Variants in MITF observed in about 807,000 individuals in gnomAD.
The protein encoded by MITF is microphthalmia-associated transcription factor.
Under a neutral mutation model 60.5 loss-of-function variants are expected in MITF, and 17 were observed. The observed-to-expected ratio is 0.28, with a 90% CI of 0.19 to 0.42. MITF has a LOEUF of 0.42. Ranked by LOEUF, MITF falls within the 10% of genes least tolerant of loss-of-function variation. The pLI is 1.00. For missense variants in MITF, 622 were observed against 683.5 expected, an observed-to-expected ratio of 0.91 and a Z score of 1.00; for synonymous variants, 260 against 248.5, an observed-to-expected ratio of 1.05 and a Z score of -0.43.
chr3:69,958,597 G>T (rs934587981), intron 8 of MITF, among the ~76,000 whole-genome samples: 2 of 151,978 alleles, frequency 1.3e-5, no homozygotes, highest in Non-Finnish European at 2.9e-5. Context: ...ATAGAAGGAT[G>T]CTGAGTTTAT....
At chr3:69,963,063 G>C (rs2066590354) in intron 9 of MITF, among the ~76,000 whole-genome samples, 1 of 152,160 alleles carries the variant, frequency 6.6e-6, no homozygotes, top group Admixed American at 6.5e-5. Flanking sequence ...GTCCTATTGG[G>C]TTTAGGCCCA....
In MITF at chr3:69,894,938, C is replaced by T. The variant is rs545133796; in HGVS notation, c.354+15555C>T. 1.4e-4 allele frequency among the ~76,000 whole-genome samples: 22 copies of T among 152,262 alleles called. 1 individual carries two copies. The South Asian group carries it at 4.6e-3, about 32-fold the overall frequency. On this transcript the variant is annotated intron_variant, in intron 2 of 9. Transcript: ENST00000352241. ...ACCAGTCTTGCAAAGTTCACTACTT[C>T]ACAATTGATACTGCAACCATGAAAT...
Position 69,941,346 on chromosome 3 carries a change from T to G in MITF, c.762+15T>G. 1 of 1,553,828 alleles carries G rather than the reference T, an allele frequency of 6.4e-7. No individual in the cohort carries two copies. Among genetic ancestry groups the G allele is most frequent in the Non-Finnish European group, 8.9e-7 (1 of 1,125,974 alleles). ...TGGCAAATACGGTATTGATAACCTTTTTTTAAGTAGAAAATCTTGAGGTGT... is the reference window on the plus strand; with the variant it reads ...TGGCAAATACGGTATTGATAACCTTGTTTTAAGTAGAAAATCTTGAGGTGT... On this transcript the variant is annotated intron_variant, in intron 5 of 9. Coordinates refer to ENST00000352241, the MANE Select transcript of MITF (RefSeq NM_001354604.2).
chr3:69,941,257 A>T lies in MITF; in HGVS notation c.688A>T (p.Ile230Phe). 1 of 1,612,260 alleles carries T rather than the reference A, an allele frequency of 6.2e-7. No homozygotes were observed. The highest frequency in any genetic ancestry group is 8.5e-7 in the Non-Finnish European group (1 of 1,178,616). The change falls in exon 5 of 10, where the codon ATC (isoleucine) becomes TTC (phenylalanine). Residue 230 changes from isoleucine to phenylalanine, a missense_variant. By Grantham distance (21) the Ile-to-Phe change is conservative. Transcript: ENST00000352241. ...ACAGATGGATGATGTAATCGATGAC[A>T]TCATTAGCCTAGAATCAAGTTATAA... ...CMQMDDVIDD[I>F]ISLESSYNEE...
chr3:69,825,690 C>T (rs923124402), intron 1 of MITF, among the ~76,000 whole-genome samples: 7 of 151,972 alleles, frequency 4.6e-5, no homozygotes, highest in East Asian at 3.9e-4. Flanking sequence ...GCCTATGATG[C>T]GGAAGTAAAA....
chr3:69,753,539 G>A (rs1704014291), intron 1 of MITF, among the ~76,000 whole-genome samples: 1 of 152,226 alleles, frequency 6.6e-6, no homozygotes, highest in Non-Finnish European at 1.5e-5. Context: ...CTCTCAGCCT[G>A]GAAAAGCCAC....
At chr3:69,810,794 A>C (rs982385004) in intron 1 of MITF, among the ~76,000 whole-genome samples, 2 of 152,294 alleles carry the variant, frequency 1.3e-5, no homozygotes, top group Admixed American at 1.3e-4. Flanking sequence ...GGTGCTTAAC[A>C]CTGGAAATGA....
intron 2 of MITF, among the ~76,000 whole-genome samples, chr3:69,927,904 C>T (rs1320564512): frequency 6.6e-6 from 1 of 152,194 alleles, no homozygotes; most frequent in African/African-American, 2.4e-5. Context: ...AATCCATGGC[C>T]TATGAGATAT....
chr3:69,796,902 T>G (rs1262956589), intron 1 of MITF, among the ~76,000 whole-genome samples: 1 of 152,156 alleles, frequency 6.6e-6, no homozygotes, highest in Admixed American at 6.5e-5. Flanking sequence ...ACAAGTGATG[T>G]GTAGGGGTTA....
chr3:69,850,497 A>G (rs2063807028), intron 1 of MITF, among the ~76,000 whole-genome samples: 2 of 151,882 alleles, frequency 1.3e-5, no homozygotes, highest in African/African-American at 4.8e-5. Context: ...AGCTGCTATT[A>G]TTATTACTTA....
intron 7 of MITF, among the ~76,000 whole-genome samples, chr3:69,955,223 C>G (rs569979496): frequency 1.3e-5 from 2 of 151,932 alleles, no homozygotes; most frequent in African/African-American, 4.8e-5. Context: ...CAAATTGTGA[C>G]GTAAAACTGA....
chr3:69,870,354 A>G (rs760541144), intron 1 of MITF, among the ~76,000 whole-genome samples: 11 of 148,692 alleles, frequency 7.4e-5, no homozygotes, highest in Non-Finnish European at 1.6e-4. Context: ...GTATATATGT[A>G]TGTGTGTGTA....
At chr3:69,947,959 C>G (rs1209660915) in intron 5 of MITF, among the ~76,000 whole-genome samples, 4 of 152,176 alleles carry the variant, frequency 2.6e-5, no homozygotes, top group African/African-American at 9.7e-5. Flanking sequence ...CTGTTGAATA[C>G]AGTTTTTACT....
intron 1 of MITF, among the ~76,000 whole-genome samples, chr3:69,874,026 C>CT (rs1477530168): frequency 6.6e-6 from 1 of 152,130 alleles, no homozygotes; most frequent in African/African-American, 2.4e-5. Context: ...TAGGTTTCTC[C>CT]TTTGCCCAGG....
At chr3:69,908,266 C>T (rs1310487726) in intron 2 of MITF, among the ~76,000 whole-genome samples, 1 of 152,136 alleles carries the variant, frequency 6.6e-6, no homozygotes, top group Non-Finnish European at 1.5e-5. Flanking sequence ...GTAGGAATGT[C>T]TCTCCTGGTC....
chr3:69,775,689 T>C (rs1244844711), intron 1 of MITF, among the ~76,000 whole-genome samples: 1 of 152,218 alleles, frequency 6.6e-6, no homozygotes, highest in South Asian at 2.1e-4. Flanking sequence ...AAAATACCAC[T>C]TTTCATTAAT....
At chr3:69,941,022 C>G (rs1363834855) in intron 4 of MITF, among the ~76,000 whole-genome samples, 1 of 152,164 alleles carries the variant, frequency 6.6e-6, no homozygotes, top group Non-Finnish European at 1.5e-5. Context: ...TAAATGCTGG[C>G]TACAAGTATT....
chr3:69,872,147 G>A (rs982020008), intron 1 of MITF, among the ~76,000 whole-genome samples: 3 of 152,170 alleles, frequency 2.0e-5, no homozygotes, highest in African/African-American at 7.2e-5. Flanking sequence ...TCCTTGAAAG[G>A]AATTGAGTGT....
At chr3:69,905,087 A>T (rs1158387023) in intron 2 of MITF, among the ~76,000 whole-genome samples, 1 of 152,104 alleles carries the variant, frequency 6.6e-6, no homozygotes, top group Non-Finnish European at 1.5e-5. Flanking sequence ...AAATTAACAT[A>T]TCCTTGTACC....
Sources: gnomAD v4.1 joint callset for allele counts (sites outside exome capture counted in the v4.1 genomes callset) on GRCh38, gnomAD v4.1.1 for gene constraint, MANE v1.5 for transcripts, NCBI Gene and HGNC (gene_info 2026-07-23, HGNC 2026-07-21) for gene names.